The following SNX10 variants were observed in gnomAD, a reference collection of about 807,000 sequenced individuals.
SNX10 encodes the protein sorting nexin-10.
Under a neutral mutation model 28.5 loss-of-function variants are expected in SNX10, and 25 were observed. The observed-to-expected ratio is 0.88, with a 90% CI of 0.64 to 1.22. The LOEUF (loss-of-function observed/expected upper bound fraction) is 1.22. Ranked by LOEUF, SNX10 falls within the 50% of genes most tolerant of loss-of-function variation. SNX10 has a pLI of 0.00. For synonymous variants in SNX10, 62 were observed against 81.4 expected (o/e 0.76, Z 1.28); for missense variants, 223 against 242.6 (o/e 0.92, Z 0.54).
chr7:26,367,707 C>A (rs1383729434), intron 5 of SNX10, among the ~76,000 whole-genome samples: 2 of 152,122 alleles, frequency 1.3e-5, no homozygotes, highest in Non-Finnish European at 2.9e-5. Flanking sequence ...CTCTAGGGAA[C>A]TGGATGTGAT....
At chr7:26,340,542 T>C (rs978106506) in intron 1 of SNX10, among the ~76,000 whole-genome samples, 1 of 152,220 alleles carries the variant, frequency 6.6e-6, no homozygotes, top group African/African-American at 2.4e-5. Flanking sequence ...TAGAGGAAGC[T>C]TTCTCCTCGA....
At chr7:26,321,514 T>G (rs1459648668) in intron 1 of SNX10, among the ~76,000 whole-genome samples, 1 of 152,248 alleles carries the variant, frequency 6.6e-6, no homozygotes, top group Non-Finnish European at 1.5e-5. Context: ...TTCTTTAATT[T>G]GGTCAGTGTT....
intron 1 of SNX10, among the ~76,000 whole-genome samples, chr7:26,331,343 C>T (rs1420031764): frequency 1.3e-5 from 2 of 152,116 alleles, no homozygotes; most frequent in Non-Finnish European, 2.9e-5. Context: ...CCCAGCTCTT[C>T]GCAAGGCCAA....
At chr7:26,326,874 C>G (rs899530672) in intron 1 of SNX10, among the ~76,000 whole-genome samples, 1 of 150,114 alleles carries the variant, frequency 6.7e-6, no homozygotes, top group African/African-American at 2.4e-5. Context: ...ATGAACTGAC[C>G]ATTTTTGTGA....
At chr7:26,292,612 G>A (rs766814561) in intron 1 of SNX10, among the ~76,000 whole-genome samples, 81 of 152,240 alleles carry the variant, frequency 5.3e-4, no homozygotes, top group Non-Finnish European at 8.4e-4. Flanking sequence ...TGGTGACCAG[G>A]AAAGCAACAG....
rs1221917207 is a variant in SNX10 at position 26,373,348 on chromosome 7, T to G, written c.*776T>G. ...ATCATTGTATAATCAGGTTAATGAT[T>G]TATTTTTTGACTAAATGTGCAATTT... On this transcript the variant is annotated 3_prime_UTR_variant, in exon 7 of 7. Coordinates refer to ENST00000338523, the MANE Select transcript of SNX10 (RefSeq NM_013322.3). The surrounding 1 kb of genome is among the most constrained non-coding windows in gnomAD (Gnocchi z 4.2). The G allele has an allele frequency of 1.3e-5, 2 of 152,084 alleles. No homozygotes were observed. Among genetic ancestry groups the G allele is most frequent in the Non-Finnish European group, 2.9e-5 (2 of 67,922 alleles). 9.4% of individuals were successfully genotyped at this position (152,084 alleles called of 1,614,324 possible). A position where few individuals can be genotyped will look rare whatever the true frequency, so the allele number is the denominator to read the frequency against.
intron 1 of SNX10, among the ~76,000 whole-genome samples, chr7:26,344,175 A>ATT (rs35200460): frequency 0.31 from 35,417 of 113,922 alleles, 6,460 homozygotes; most frequent in South Asian, 0.57. Flanking sequence ...CTGTCTCTGA[A>ATT]TTTTTTTTTT....
intron 2 of SNX10, among the ~76,000 whole-genome samples, chr7:26,346,929 C>G (rs918499811): frequency 6.6e-6 from 1 of 152,252 alleles, no homozygotes; most frequent in African/African-American, 2.4e-5. Context: ...CTTCCCAGGC[C>G]TCCATGCCCG....
intron 1 of SNX10, among the ~76,000 whole-genome samples, chr7:26,293,952 C>A (rs1786018619): frequency 6.6e-6 from 1 of 152,184 alleles, no homozygotes; most frequent in African/African-American, 2.4e-5. Context: ...CTTTTCTCAG[C>A]CCTAGGATCA....
intron 1 of SNX10, among the ~76,000 whole-genome samples, chr7:26,305,487 C>T (rs928350423): frequency 2.6e-5 from 4 of 152,290 alleles, no homozygotes; most frequent in Middle Eastern, 3.4e-3. Context: ...TTCCTGCTGC[C>T]CCCGAAGGTC....
At chr7:26,334,474 A>G (rs913016970) in intron 1 of SNX10, among the ~76,000 whole-genome samples, 7 of 152,246 alleles carry the variant, frequency 4.6e-5, no homozygotes, top group African/African-American at 1.4e-4. Flanking sequence ...GTCAGGGCCA[A>G]CATGCACATG....
At position 26,353,439 on chromosome 7, in the gene SNX10, T is replaced by C. The variant is rs1045086263; in HGVS notation, c.24+6973T>C. ...GGTGATTAACACACTGGTAAATGCTTTTTTTTTTTTTTTTTTTTTTTGGTG... is the reference window on the plus strand; with the variant it reads ...GGTGATTAACACACTGGTAAATGCTCTTTTTTTTTTTTTTTTTTTTTGGTG... On this transcript the variant is annotated intron_variant, in intron 2 of 6. Coordinates refer to ENST00000338523, the MANE Select transcript of SNX10 (RefSeq NM_013322.3). Among the ~76,000 whole-genome samples, 4 of 52,970 alleles carry C rather than the reference T, an allele frequency of 7.6e-5. No individual in the cohort carries two copies. The East Asian group carries it at 1.4e-3, about 19-fold the overall frequency. The allele number at this position is 52,970 out of a possible 152,430, so 34.8% of individuals were successfully genotyped here. A position where few individuals can be genotyped will look rare whatever the true frequency, so the allele number is the denominator to read the frequency against.
intron 1 of SNX10, among the ~76,000 whole-genome samples, chr7:26,311,323 ATATTTT>A (rs1786834125): frequency 6.6e-6 from 1 of 151,958 alleles, no homozygotes; most frequent in South Asian, 2.1e-4. Flanking sequence ...CTAATTTTTA[ATATTTT>A]TAGTAGAGAG....
intron 1 of SNX10, among the ~76,000 whole-genome samples, chr7:26,329,329 C>G (rs887517930): frequency 2.0e-5 from 3 of 152,350 alleles, no homozygotes; most frequent in Admixed American, 6.5e-5. Flanking sequence ...CTTCCCCAGA[C>G]TGTTTTGTCC....
rs117716427 is a variant in SNX10, at chr7:26,349,878, A to G, written c.24+3412A>G. On this transcript the variant is annotated intron_variant, in intron 2 of 6. Coordinates refer to ENST00000338523, the MANE Select transcript of SNX10 (RefSeq NM_013322.3). ...TTGCTGAACTCATCTTGTGGGGTGTATGAGTGAGCATTTGCTCCAGCTGCA... is the reference window on the plus strand; with the variant it reads ...TTGCTGAACTCATCTTGTGGGGTGTGTGAGTGAGCATTTGCTCCAGCTGCA... 3.9e-3 allele frequency among the ~76,000 whole-genome samples: 591 copies of G among 152,278 alleles called. 1 individual carries two copies. Among genetic ancestry groups the G allele is most frequent in the South Asian group, 7.3e-3 (35 of 4,814 alleles).
intron 1 of SNX10, among the ~76,000 whole-genome samples, chr7:26,318,214 G>A (rs574466026): frequency 2.5e-4 from 38 of 152,142 alleles, no homozygotes; most frequent in African/African-American, 8.7e-4. Flanking sequence ...TTTGCCCAGT[G>A]ATTTTTTTTT....
At chr7:26,346,994 C>T (rs1015067893) in intron 2 of SNX10, among the ~76,000 whole-genome samples, 2 of 152,232 alleles carry the variant, frequency 1.3e-5, no homozygotes, top group African/African-American at 2.4e-5. Flanking sequence ...CATGCCAGCC[C>T]CGGCTGAGTG....
intron 1 of SNX10, among the ~76,000 whole-genome samples, chr7:26,310,934 C>T (rs1402521971): frequency 6.6e-6 from 1 of 152,070 alleles, no homozygotes; most frequent in African/African-American, 2.4e-5. Context: ...CCGCCCACCT[C>T]GGCCTCCCAA....
At chr7:26,326,490 A>G (rs1197574558) in intron 1 of SNX10, among the ~76,000 whole-genome samples, 1 of 152,136 alleles carries the variant, frequency 6.6e-6, no homozygotes, top group Non-Finnish European at 1.5e-5. Context: ...TGTACTCTGC[A>G]CCTGGAACCC....
Sources: gnomAD v4.1 joint callset for allele counts (sites outside exome capture counted in the v4.1 genomes callset) on GRCh38, gnomAD v4.1.1 for gene constraint, Gnocchi (gnomAD v3.1) non-coding constraint, MANE v1.5 for transcripts, NCBI Gene and HGNC (gene_info 2026-07-23, HGNC 2026-07-21) for gene names.